The following MVB12B variants were observed in gnomAD, a reference collection of about 807,000 sequenced individuals.
The protein encoded by MVB12B is multivesicular body subunit 12B.
MVB12B carries 16 observed loss-of-function variants against 41.6 expected under a neutral mutation model. That is an observed-to-expected ratio of 0.38 (90% CI 0.26 to 0.58). The LOEUF is 0.58. Ranked by LOEUF, MVB12B falls within the 20% of genes least tolerant of loss-of-function variation. The pLI, the probability that MVB12B is intolerant of heterozygous loss-of-function variation, is 0.62. For missense variants in MVB12B, 274 were observed against 380.2 expected, an observed-to-expected ratio of 0.72 and a Z score of 2.32; for synonymous variants, 133 against 139.7, an observed-to-expected ratio of 0.95 and a Z score of 0.34.
intron 7 of MVB12B, among the ~76,000 whole-genome samples, chr9:126,476,084 G>A (rs913763895): frequency 1.3e-5 from 2 of 152,344 alleles, no homozygotes; most frequent in African/African-American, 4.8e-5. Flanking sequence ...GAGCGAGGCC[G>A]TCAAAGTCCT....
At chr9:126,366,347 T>A (rs1830181696) in intron 2 of MVB12B, among the ~76,000 whole-genome samples, 1 of 152,116 alleles carries the variant, frequency 6.6e-6, no homozygotes, top group South Asian at 2.1e-4. Flanking sequence ...TCCTCCTGCC[T>A]TAATATATTC....
intron 4 of MVB12B, among the ~76,000 whole-genome samples, chr9:126,388,340 G>T (rs1008432382): frequency 1.3e-5 from 2 of 152,176 alleles, no homozygotes; most frequent in African/African-American, 4.8e-5. Context: ...TGTTTTCAAG[G>T]TTGGCCCACG....
At chr9:126,495,321 G>C (rs561974662) in intron 9 of MVB12B, among the ~76,000 whole-genome samples, 4 of 152,204 alleles carry the variant, frequency 2.6e-5, no homozygotes, top group African/African-American at 9.7e-5. Context: ...TGGACACCCA[G>C]GTGCCACAGG....
chr9:126,498,421 T>TG (rs1833883885), intron 9 of MVB12B, among the ~76,000 whole-genome samples: 1 of 152,224 alleles, frequency 6.6e-6, no homozygotes, highest in Non-Finnish European at 1.5e-5. Flanking sequence ...GCCCCAGCCT[T>TG]GGCCCCTTTG....
intron 2 of MVB12B, among the ~76,000 whole-genome samples, chr9:126,358,318 A>G (rs1829937599): frequency 6.6e-6 from 1 of 152,152 alleles, no homozygotes; most frequent in Non-Finnish European, 1.5e-5. Context: ...CAAATTTAAG[A>G]ATAAGCATGT....
At chr9:126,452,341 C>T (rs951153409) in intron 7 of MVB12B, among the ~76,000 whole-genome samples, 2 of 152,228 alleles carry the variant, frequency 1.3e-5, no homozygotes, top group South Asian at 4.1e-4. Flanking sequence ...GAAGACATGG[C>T]CCTGCCTTGG....
intron 6 of MVB12B, among the ~76,000 whole-genome samples, chr9:126,398,588 T>TA (rs1831183577): frequency 6.6e-6 from 1 of 152,232 alleles, no homozygotes; most frequent in Admixed American, 6.5e-5. Context: ...GCCTTAACCA[T>TA]AAACCTGAGA....
At chr9:126,402,081 G>A (rs73668020) in intron 6 of MVB12B, among the ~76,000 whole-genome samples, 17,455 of 152,170 alleles carry the variant, frequency 0.11, 1,077 homozygotes, top group African/African-American at 0.14. Context: ...TGGTGCTGGA[G>A]GCATTTGCCT....
Position 126,400,545 on chromosome 9 carries a change from G to A in MVB12B, c.662+4848G>A, listed in dbSNP as rs532657934. ...CCTCTCCCCACCTACAGAAATTCAG[G>A]TTCGGCAGAACTACGTGTTAGGGTC... On this transcript the variant is annotated intron_variant, in intron 6 of 9. Coordinates refer to ENST00000361171, the MANE Select transcript of MVB12B (RefSeq NM_033446.3). 2.7e-4 allele frequency among the ~76,000 whole-genome samples: 41 copies of A among 152,294 alleles called. 1 individual carries two copies. The highest frequency in any genetic ancestry group is 9.4e-4 in the African/African-American group (39 of 41,554).
At chr9:126,454,402 C>A (rs1297983149) in intron 7 of MVB12B, among the ~76,000 whole-genome samples, 1 of 152,230 alleles carries the variant, frequency 6.6e-6, no homozygotes, top group Non-Finnish European at 1.5e-5. Context: ...CCTAGTGGGG[C>A]AGAATTGATT....
At position 126,504,527 on chromosome 9, in the gene MVB12B, G is replaced by A. The variant is rs1042412533; in HGVS notation, c.*1264G>A. 1.3e-5 allele frequency: 2 copies of A among 152,594 alleles called. No individual in the cohort carries two copies. The highest frequency in any genetic ancestry group is 4.8e-5 in the African/African-American group (2 of 41,482). 9.5% of individuals were successfully genotyped at this position (152,594 alleles called of 1,614,324 possible). A position where few individuals can be genotyped will look rare whatever the true frequency, so the allele number is the denominator to read the frequency against. On this transcript the variant is annotated 3_prime_UTR_variant, in exon 10 of 10. Transcript: ENST00000361171. ...GTCCGTGGAAGCCTCTGCCTCAGCG[G>A]GGACGGCCTCCTGCTGCAGGTCCTG...
At chr9:126,492,999 T>C (rs768242388) in intron 9 of MVB12B, among the ~76,000 whole-genome samples, 1 of 152,216 alleles carries the variant, frequency 6.6e-6, no homozygotes, top group Non-Finnish European at 1.5e-5. Context: ...AAGAGCTCTT[T>C]ACGTTTTAAA....
chr9:126,371,033 T>C (rs1429143514), intron 2 of MVB12B, among the ~76,000 whole-genome samples: 1 of 152,230 alleles, frequency 6.6e-6, no homozygotes, highest in Non-Finnish European at 1.5e-5. Context: ...AGGGCTCAAC[T>C]TAGTTTTTCC....
At chr9:126,346,086 G>A (rs558716995) in intron 2 of MVB12B, among the ~76,000 whole-genome samples, 50 of 152,320 alleles carry the variant, frequency 3.3e-4, no homozygotes, top group Non-Finnish European at 5.4e-4. Flanking sequence ...TATTCTGAGG[G>A]TGGTGGGAGT....
intron 7 of MVB12B, among the ~76,000 whole-genome samples, chr9:126,431,157 C>T (rs1465422815): frequency 6.6e-6 from 1 of 152,224 alleles, no homozygotes; most frequent in African/African-American, 2.4e-5. Context: ...GATTACTTCT[C>T]AGAGTGCTCA....
chr9:126,489,390 C>A lies in MVB12B; in HGVS notation c.873+5358C>A, dbSNP rs1404765254. The stretch of plus-strand genomic sequence containing the variant: ...TCAGGGCACCTGGCAGCTGGTGGAG[C>A]GTGGTTAGATGTAGCTGCCCTGCTC... On this transcript the variant is annotated intron_variant, in intron 9 of 9. Coordinates refer to ENST00000361171, the MANE Select transcript of MVB12B (RefSeq NM_033446.3). Among the ~76,000 whole-genome samples, 3 of 152,238 alleles carry A rather than the reference C, an allele frequency of 2.0e-5. No individual in the cohort carries two copies. In the East Asian group the frequency reaches 5.8e-4, roughly 29 times the overall value.
chr9:126,468,832 C>T lies in MVB12B; in HGVS notation c.758-12537C>T, dbSNP rs2119187316. The stretch of plus-strand genomic sequence containing the variant: ...TGTCCTTCAGTCTGCTGAGAATGGC[C>T]ATCAGGACTCCTGGCAGGCTGGTTC... On this transcript the variant is annotated intron_variant, in intron 7 of 9. Transcript: ENST00000361171. This position sits in a 1 kb window ranked among gnomAD's most constrained non-coding sequence, Gnocchi z 4.3. Among the ~76,000 whole-genome samples the T allele has an allele frequency of 1.3e-5, 2 of 152,334 alleles. No individual in the cohort carries two copies. Among genetic ancestry groups the T allele is most frequent in the East Asian group, 3.9e-4 (2 of 5,190 alleles).
At chr9:126,401,226 G>A (rs1474231478) in intron 6 of MVB12B, among the ~76,000 whole-genome samples, 1 of 152,194 alleles carries the variant, frequency 6.6e-6, no homozygotes, top group Non-Finnish European at 1.5e-5. Flanking sequence ...CTGACCGGCA[G>A]CCTCCCCTGC....
chr9:126,433,521 A>G (rs1832384519), intron 7 of MVB12B, among the ~76,000 whole-genome samples: 1 of 152,016 alleles, frequency 6.6e-6, no homozygotes, highest in South Asian at 2.1e-4. Flanking sequence ...CTGACCCCCA[A>G]GTGTTCTTCT....
Sources: gnomAD v4.1 joint callset for allele counts (sites outside exome capture counted in the v4.1 genomes callset) on GRCh38, gnomAD v4.1.1 for gene constraint, Gnocchi (gnomAD v3.1) non-coding constraint, MANE v1.5 for transcripts, NCBI Gene and HGNC (gene_info 2026-07-23, HGNC 2026-07-21) for gene names.